VEGFC: variants seen among roughly 807,000 people sequenced by gnomAD.
VEGFC encodes FLT4 ligand DHM.
In VEGFC, 12 loss-of-function variants were observed where a neutral mutation model predicts 46.1. The ratio of observed to expected loss-of-function variants is 0.26; its 90% confidence interval spans 0.17 to 0.42. The LOEUF is 0.42. Ranked by LOEUF, VEGFC falls within the 10% of genes least tolerant of loss-of-function variation. The pLI, the probability that VEGFC is intolerant of heterozygous loss-of-function variation, is 1.00. For missense variants in VEGFC, 488 were observed against 529.4 expected, an observed-to-expected ratio of 0.92 and a Z score of 0.77; for synonymous variants, 232 against 195.5, an observed-to-expected ratio of 1.19 and a Z score of -1.56.
At chr4:176,791,944 C>T (rs980537921) in intron 1 of VEGFC, among the ~76,000 whole-genome samples, 2 of 152,176 alleles carry the variant, frequency 1.3e-5, no homozygotes, top group Admixed American at 6.5e-5. Flanking sequence ...GGCACCTCTC[C>T]GGGCCCTTCA....
intron 1 of VEGFC, among the ~76,000 whole-genome samples, chr4:176,788,820 TAAAAGAAA>T (rs1389883612): frequency 2.0e-5 from 3 of 152,068 alleles, no homozygotes; most frequent in South Asian, 2.1e-4. Flanking sequence ...AAACTTTTTT[TAAAAGAAA>T]AAAAGGAAAA....
At chr4:176,783,045 A>C (rs6821901) in intron 1 of VEGFC, among the ~76,000 whole-genome samples, 15,390 of 152,246 alleles carry the variant, frequency 0.1, 1,893 homozygotes, top group African/African-American at 0.29. Context: ...GCACAGGGTA[A>C]CCACGCAAGT....
intron 2 of VEGFC, among the ~76,000 whole-genome samples, chr4:176,728,211 T>C (rs1182005960): frequency 3.9e-5 from 6 of 152,164 alleles, no homozygotes; most frequent in Admixed American, 3.3e-4. Flanking sequence ...AAAATTAGCA[T>C]TATGCTTTAT....
chr4:176,715,230 A>C (rs1248555786), intron 3 of VEGFC, among the ~76,000 whole-genome samples: 1 of 152,182 alleles, frequency 6.6e-6, no homozygotes, highest in African/African-American at 2.4e-5. Flanking sequence ...AATTCAGTTA[A>C]TTTTGTCAAA....
intron 1 of VEGFC, among the ~76,000 whole-genome samples, chr4:176,764,961 T>C (rs1735594133): frequency 6.6e-6 from 1 of 152,140 alleles, no homozygotes; most frequent in Non-Finnish European, 1.5e-5. Context: ...AGGTATTGTA[T>C]ACTCAGGAAG....
chr4:176,719,288 C>A (rs965261670), intron 3 of VEGFC, among the ~76,000 whole-genome samples: 1 of 132,166 alleles, frequency 7.6e-6, no homozygotes, highest in African/African-American at 2.7e-5. Context: ...ACTCTTTTAA[C>A]AAAACGAAAA....
At chr4:176,728,010 C>T (rs746593192) in intron 2 of VEGFC, 42 bp from the exon 3 acceptor site, 14 of 1,499,034 alleles carry the variant, frequency 9.3e-6, no homozygotes, top group Middle Eastern at 1.8e-4. Flanking sequence ...ACGGAAACCA[C>T]CAAGATAAAA....
Position 176,745,636 on chromosome 4 carries a change from T to A in VEGFC, c.148-15890A>T, listed in dbSNP as rs565166194. On this transcript the variant is annotated intron_variant, in intron 1 of 6. Coordinates refer to ENST00000618562, the MANE Select transcript of VEGFC (RefSeq NM_005429.5). ...ATGTGATGTCCTGCTAACACTATAC[T>A]GGGACCTGCTTGGGTCTGTCCTGAG... 1.4e-4 allele frequency among the ~76,000 whole-genome samples: 22 copies of A among 152,224 alleles called. No homozygotes were observed. The South Asian group carries it at 4.3e-3, about 30-fold the overall frequency.
chr4:176,697,963 C>T (rs201907058), intron 4 of VEGFC, among the ~76,000 whole-genome samples: 2 of 128,732 alleles, frequency 1.6e-5, no homozygotes, highest in Non-Finnish European at 3.4e-5. Flanking sequence ...GGAAGGGGAA[C>T]ATCACACTCT....
intron 1 of VEGFC, among the ~76,000 whole-genome samples, chr4:176,755,548 A>C (rs1735418401): frequency 6.6e-6 from 1 of 151,978 alleles, no homozygotes; most frequent in Admixed American, 6.6e-5. Context: ...TTTTCCTGCC[A>C]AAGTGCCCTG....
intron 1 of VEGFC, among the ~76,000 whole-genome samples, chr4:176,743,661 T>C (rs996551768): frequency 6.6e-6 from 1 of 151,282 alleles, no homozygotes; most frequent in Non-Finnish European, 1.5e-5. Flanking sequence ...GGATAGCAGA[T>C]AATTGGCTTA....
chr4:176,777,245 A>C (rs1236320088), intron 1 of VEGFC, among the ~76,000 whole-genome samples: 1 of 152,152 alleles, frequency 6.6e-6, no homozygotes, highest in East Asian at 1.9e-4. Flanking sequence ...TGAACCCAGG[A>C]GGCGGAGCTT....
chr4:176,727,683 G>A, intron 3 of VEGFC, 95 bp downstream of exon 3: 1 of 1,352,372 alleles, frequency 7.4e-7, no homozygotes, highest in Non-Finnish European at 9.8e-7. Flanking sequence ...AACCAAGTTA[G>A]TTTAAAGCAA....
intron 5 of VEGFC, 139 bp from the exon 6 acceptor site, chr4:176,687,659 AAAGGAGTTCAAAAT>A: frequency 9.9e-7 from 1 of 1,011,428 alleles, no homozygotes; most frequent in Non-Finnish European, 1.4e-6. Context: ...GTTCCTTTAT[AAAGGAGTTCAAAAT>A]AATACCAACG....
chr4:176,729,952 TTTG>T (rs1438840883), intron 1 of VEGFC, among the ~76,000 whole-genome samples: 1 of 152,202 alleles, frequency 6.6e-6, no homozygotes, highest in Non-Finnish European at 1.5e-5. Context: ...AAATACATAT[TTTG>T]TTGTTAGGAA....
chr4:176,733,953 T>C (rs995298635), intron 1 of VEGFC, among the ~76,000 whole-genome samples: 5 of 151,862 alleles, frequency 3.3e-5, no homozygotes. Context: ...AGAAATAAAT[T>C]GCTTGGTACA....
chr4:176,687,617 TC>T, intron 5 of VEGFC, 97 bp from the exon 6 acceptor site: 3 of 1,276,702 alleles, frequency 2.3e-6, no homozygotes, highest in Non-Finnish European at 3.2e-6. Flanking sequence ...TTGTATGTTT[TC>T]CATCAAAGGA....
chr4:176,788,912 C>T (rs1474767027), intron 1 of VEGFC, among the ~76,000 whole-genome samples: 1 of 152,120 alleles, frequency 6.6e-6, no homozygotes. Context: ...AAAATAATGT[C>T]CATATTATGG....
At chr4:176,777,039 T>C (rs954836919) in intron 1 of VEGFC, among the ~76,000 whole-genome samples, 18 of 152,160 alleles carry the variant, frequency 1.2e-4, no homozygotes, top group African/African-American at 4.1e-4. Context: ...ACTGGCCGGG[T>C]GCGGTAGCTC....
Sources: allele counts gnomAD v4.1 joint callset (sites outside exome capture counted in the v4.1 genomes callset), GRCh38; gene constraint gnomAD v4.1.1; transcripts MANE v1.5; gene names NCBI Gene and HGNC (gene_info 2026-07-23, HGNC 2026-07-21).